WWOX: variants seen among roughly 807,000 people sequenced by gnomAD.
WWOX encodes WW domain containing oxidoreductase.
A neutral mutation model predicts 46.2 loss-of-function variants in WWOX; 69 were observed. The observed-to-expected ratio is 1.49, with a 90% CI of 1.23 to 1.82. The LOEUF (loss-of-function observed/expected upper bound fraction) is 1.82, where lower values mean the gene tolerates loss of function less well. WWOX is among the 40% of genes most tolerant of loss of function. WWOX has a pLI of 0.00. For missense variants in WWOX, 919 were observed against 542.6 expected (o/e 1.69, Z -6.89); for synonymous variants, 359 against 202.6 (o/e 1.77, Z -6.56).
chr16:79,194,268 T>C (rs2051194356), intron 8 of WWOX, among the ~76,000 whole-genome samples: 1 of 152,212 alleles, frequency 6.6e-6, no homozygotes, highest in African/African-American at 2.4e-5. Context: ...GTTGGATTGA[T>C]ATATTTTTCC....
chr16:78,666,935 G>A (rs1310064601), intron 8 of WWOX, among the ~76,000 whole-genome samples: 1 of 152,304 alleles, frequency 6.6e-6, no homozygotes, highest in East Asian at 1.9e-4. Context: ...GATGTCCAGG[G>A]GGTGACAGTT....
rs757933432 is a variant in WWOX, at chr16:78,164,302, CTGT to C, written c.516+21_516+23del. 1.6e-5 allele frequency: 25 copies of C among 1,611,350 alleles called. No homozygotes were observed. Among genetic ancestry groups the C allele is most frequent in the African/African-American group, 5.3e-5 (4 of 74,846 alleles). On this transcript the variant is annotated intron_variant, in intron 5 of 8. Transcript: ENST00000566780. ...TTTAGAAGAATGGGTAAGTGCTTGACTGTTGTTGTTTTTTTTAATTGTCAAATA... is the reference window on the plus strand; with the variant it reads ...TTTAGAAGAATGGGTAAGTGCTTGACTGTTGTTTTTTTTAATTGTCAAATA...
At chr16:79,195,102 G>C (rs1420305462) in intron 8 of WWOX, among the ~76,000 whole-genome samples, 1 of 152,128 alleles carries the variant, frequency 6.6e-6, no homozygotes, top group African/African-American at 2.4e-5. Context: ...CCGTATCTCA[G>C]ATTTACAGAG....
At chr16:78,739,808 C>T (rs188541089) in intron 8 of WWOX, among the ~76,000 whole-genome samples, 1 of 152,072 alleles carries the variant, frequency 6.6e-6, no homozygotes, top group Admixed American at 6.6e-5. Flanking sequence ...GAGATTCCAT[C>T]TCAAAAAACA....
intron 8 of WWOX, among the ~76,000 whole-genome samples, chr16:78,973,816 G>C (rs971607937): frequency 6.6e-6 from 1 of 152,210 alleles, no homozygotes; most frequent in Non-Finnish European, 1.5e-5. Flanking sequence ...CGGGAGTGGG[G>C]GCACCAGGGC....
At chr16:78,477,739 G>A (rs1012259945) in intron 8 of WWOX, among the ~76,000 whole-genome samples, 6 of 151,896 alleles carry the variant, frequency 4.0e-5, no homozygotes, top group Non-Finnish European at 7.4e-5. Context: ...TGTTACGTGC[G>A]GATAATCTTT....
intron 8 of WWOX, among the ~76,000 whole-genome samples, chr16:78,567,228 G>C (rs1306419710): frequency 6.6e-6 from 1 of 152,138 alleles, no homozygotes; most frequent in Non-Finnish European, 1.5e-5. Context: ...TGCCTGCCAG[G>C]GTCTTTGCTC....
At position 78,400,821 on chromosome 16, in the gene WWOX, T is replaced by A. The variant is rs2082395014; in HGVS notation, c.605+13873T>A. On this transcript the variant is annotated intron_variant, in intron 6 of 8. Coordinates refer to ENST00000566780, the MANE Select transcript of WWOX (RefSeq NM_016373.4). The stretch of plus-strand genomic sequence containing the variant: ...CAACACTACAATTCATATATCAGAA[T>A]AGCACTTTGTTACTTGTTTCTGAGA... Among the ~76,000 whole-genome samples, 3 of 152,226 alleles carry A rather than the reference T, an allele frequency of 2.0e-5. No homozygotes were observed. In the South Asian group the frequency reaches 6.2e-4, roughly 31 times the overall value.
At chr16:78,404,054 G>A (rs897131411) in intron 6 of WWOX, among the ~76,000 whole-genome samples, 2 of 152,144 alleles carry the variant, frequency 1.3e-5, no homozygotes, top group African/African-American at 4.8e-5. Flanking sequence ...AGGGCGAGGC[G>A]AGGCTAAAAA....
At chr16:79,065,764 A>T (rs1277936733) in intron 8 of WWOX, among the ~76,000 whole-genome samples, 2 of 152,312 alleles carry the variant, frequency 1.3e-5, no homozygotes, top group African/African-American at 4.8e-5. Context: ...AGTATAAACT[A>T]AATTCTTCCC....
chr16:79,140,270 A>G (rs1415699753), intron 8 of WWOX, among the ~76,000 whole-genome samples: 2 of 152,284 alleles, frequency 1.3e-5, no homozygotes, highest in East Asian at 3.9e-4. Context: ...TGAGCAGTCT[A>G]TTGGATGCGG....
At chr16:78,395,012 C>T (rs1225531098) in intron 6 of WWOX, among the ~76,000 whole-genome samples, 2 of 152,156 alleles carry the variant, frequency 1.3e-5, no homozygotes, top group Admixed American at 6.5e-5. Context: ...TGAAAATAGC[C>T]ATAATGCATG....
chr16:78,189,676 T>C lies in WWOX; in HGVS notation c.516+25387T>C, dbSNP rs1010538537. ...ATTAATTAACTTATTTATTTTTGAG[T>C]TGGAGTCTTGCTGTGTCTCCCAGGC... is the stretch of plus-strand genomic sequence containing the variant. On this transcript the variant is annotated intron_variant, in intron 5 of 8. Transcript: ENST00000566780. Among the ~76,000 whole-genome samples, 7 of 152,104 alleles carry C rather than the reference T, an allele frequency of 4.6e-5. No homozygotes were observed. In the East Asian group the frequency reaches 5.8e-4, roughly 13 times the overall value.
chr16:78,527,991 C>CTTTTTTTTTTTTTTTTTT lies in WWOX; in HGVS notation c.1056+95247_1056+95264dup, dbSNP rs71140808. The stretch of plus-strand genomic sequence containing the variant: ...CTATGTCACAGGACTGGTACATGTC[C>CTTTTTTTTTTTTTTTTTT]TTTTTTTTTTTTTTTTTTTTTTTTT... On this transcript the variant is annotated intron_variant, in intron 8 of 8. Coordinates refer to ENST00000566780, the MANE Select transcript of WWOX (RefSeq NM_016373.4). Among the ~76,000 whole-genome samples the CTTTTTTTTTTTTTTTTTT allele has an allele frequency of 4.2e-3, 147 of 34,882 alleles. 26 individuals are homozygous for CTTTTTTTTTTTTTTTTTT. The highest frequency in any genetic ancestry group is 0.056 in the Middle Eastern group (2 of 36). 22.9% of individuals were successfully genotyped at this position (34,882 alleles called of 152,430 possible). A position where few individuals can be genotyped will look rare whatever the true frequency, so the allele number is the denominator to read the frequency against.
chr16:78,306,489 G>A (rs896795938), intron 5 of WWOX, among the ~76,000 whole-genome samples: 1 of 152,122 alleles, frequency 6.6e-6, no homozygotes, highest in Non-Finnish European at 1.5e-5. Context: ...CCAAAGGCAG[G>A]CCCCCTGTGC....
intron 8 of WWOX, among the ~76,000 whole-genome samples, chr16:78,806,500 A>C (rs1049115482): frequency 1.3e-5 from 2 of 152,128 alleles, no homozygotes; most frequent in African/African-American, 4.8e-5. Flanking sequence ...GATCATCTGA[A>C]GGTTGTTCAC....
chr16:78,594,319 C>A (rs765683690), intron 8 of WWOX, among the ~76,000 whole-genome samples: 15 of 151,240 alleles, frequency 9.9e-5, no homozygotes, highest in African/African-American at 3.7e-4. Context: ...TTGTTTTCAG[C>A]AATACTCTCC....
intron 8 of WWOX, among the ~76,000 whole-genome samples, chr16:79,176,025 T>G (rs1187828031): frequency 2.0e-5 from 3 of 152,214 alleles, no homozygotes; most frequent in Admixed American, 1.3e-4. Context: ...GAAACTGGAT[T>G]TTCCCTTTGT....
At chr16:78,791,786 G>A (rs542218368) in intron 8 of WWOX, among the ~76,000 whole-genome samples, 9 of 152,004 alleles carry the variant, frequency 5.9e-5, no homozygotes, top group Non-Finnish European at 1.2e-4. Flanking sequence ...AGGCTGAGGC[G>A]GGAGAATCAC....
Sources: gnomAD v4.1 joint callset for allele counts (sites outside exome capture counted in the v4.1 genomes callset) on GRCh38, gnomAD v4.1.1 for gene constraint, MANE v1.5 for transcripts, NCBI Gene and HGNC (gene_info 2026-07-23, HGNC 2026-07-21) for gene names.